The following STXBP4 variants were observed in gnomAD, a reference collection of about 807,000 sequenced individuals.
STXBP4 encodes the protein syntaxin-binding protein 4.
Under a neutral mutation model 76.1 loss-of-function variants are expected in STXBP4, and 55 were observed. That is an observed-to-expected ratio of 0.72 (90% CI 0.58 to 0.91). STXBP4 has a LOEUF of 0.91. STXBP4 is among the 40% of genes least tolerant of loss of function. The pLI, the probability that STXBP4 is intolerant of heterozygous loss-of-function variation, is 0.00. For missense variants in STXBP4, 618 were observed against 636.9 expected (o/e 0.97, Z 0.32); for synonymous variants, 201 against 220.2 (o/e 0.91, Z 0.77).
In STXBP4 at chr17:55,134,305, T is replaced by A. The variant is rs75096408; in HGVS notation, c.1490-7005T>A. ...TGAATGTACTGAAAGGCTTTTTTTT[T>A]AATGAAGTACACAGTTATTTTATAT... is the stretch of plus-strand genomic sequence containing the variant. On this transcript the variant is annotated intron_variant, in intron 16 of 17. Coordinates refer to ENST00000376352, the MANE Select transcript of STXBP4 (RefSeq NM_178509.6). Among the ~76,000 whole-genome samples, 61 of 152,228 alleles carry A rather than the reference T, an allele frequency of 4.0e-4. No homozygotes were observed. In the East Asian group the frequency reaches 7.7e-3, roughly 19 times the overall value.
intron 12 of STXBP4, among the ~76,000 whole-genome samples, chr17:55,057,968 G>A (rs188198371): frequency 6.6e-6 from 1 of 152,146 alleles, no homozygotes; most frequent in East Asian, 1.9e-4. Flanking sequence ...TGGGCATTTG[G>A]GTTGGTTCCA....
chr17:54,986,483 G>T (rs985118806), intron 3 of STXBP4, among the ~76,000 whole-genome samples: 1 of 152,090 alleles, frequency 6.6e-6, no homozygotes, highest in African/African-American at 2.4e-5. Flanking sequence ...TGCAGGCACG[G>T]TAGGGCATGC....
intron 16 of STXBP4, among the ~76,000 whole-genome samples, chr17:55,118,019 A>G (rs1453379275): frequency 1.3e-5 from 2 of 151,980 alleles, no homozygotes; most frequent in African/African-American, 4.8e-5. Context: ...GAGCAAAACT[A>G]AAACACTACT....
chr17:54,997,171 C>A (rs528764673), intron 4 of STXBP4, among the ~76,000 whole-genome samples: 1 of 152,242 alleles, frequency 6.6e-6, no homozygotes, highest in South Asian at 2.1e-4. Context: ...ACAAAAATAG[C>A]TTTGTTTTCA....
intron 12 of STXBP4, among the ~76,000 whole-genome samples, chr17:55,072,191 T>C (rs920296837): frequency 6.6e-6 from 1 of 152,222 alleles, no homozygotes; most frequent in Non-Finnish European, 1.5e-5. Context: ...TGTGTGTTCT[T>C]GAACAGGTCA....
chr17:55,082,183 G>A (rs1456590693), intron 16 of STXBP4, among the ~76,000 whole-genome samples: 4 of 152,146 alleles, frequency 2.6e-5, no homozygotes, highest in African/African-American at 9.7e-5. Flanking sequence ...ATATAATGTA[G>A]TCATCAGATG....
rs183356638 is a variant in STXBP4, at chr17:55,113,630, G to T, written c.1490-27680G>T. ...CAATATTTTTATTTTATTTTCTGCT[G>T]ATATAAAAAAAAAGTGTTAAACTTT... On this transcript the variant is annotated intron_variant, in intron 16 of 17. Coordinates refer to ENST00000376352, the MANE Select transcript of STXBP4 (RefSeq NM_178509.6). 4.0e-5 allele frequency among the ~76,000 whole-genome samples: 6 copies of T among 151,582 alleles called. No homozygotes were observed. The East Asian group carries it at 7.7e-4, about 20-fold the overall frequency.
In STXBP4 at chr17:55,059,166, A is replaced by G. The variant is rs1598274867; in HGVS notation, c.1011+12012A>G. 2.0e-5 allele frequency among the ~76,000 whole-genome samples: 3 copies of G among 152,132 alleles called. No individual in the cohort carries two copies. The East Asian group carries it at 5.8e-4, about 29-fold the overall frequency. On this transcript the variant is annotated intron_variant, in intron 12 of 17. Coordinates refer to ENST00000376352, the MANE Select transcript of STXBP4 (RefSeq NM_178509.6). ...TAAATACAAAAAATAAATATAGCCT[A>G]ATAAAAATAAGTATTTTAATTTAAT...
intron 15 of STXBP4, 105 bp from the exon 16 acceptor site, chr17:55,080,945 A>G: frequency 5.4e-6 from 6 of 1,111,846 alleles, no homozygotes; most frequent in Non-Finnish European, 7.0e-6. Context: ...CCTCAGAAAT[A>G]TAAATATTTT....
chr17:55,017,338 A>C (rs1598209743), intron 8 of STXBP4, among the ~76,000 whole-genome samples: 2 of 152,104 alleles, frequency 1.3e-5, no homozygotes, highest in Non-Finnish European at 2.9e-5. Flanking sequence ...CGGATCCTAC[A>C]TAACTGCCCA....
chr17:55,097,435 G>A lies in STXBP4; in HGVS notation c.1489+16252G>A, dbSNP rs188310175. On this transcript the variant is annotated intron_variant, in intron 16 of 17. Transcript: ENST00000376352. ...TCCCAGCACTTTGGGGGGCCAAGGC[G>A]GGCGGATCACGAGGTCAGGAGATCG... is the stretch of plus-strand genomic sequence containing the variant. Among the ~76,000 whole-genome samples the A allele has an allele frequency of 3.8e-3, 575 of 152,230 alleles. 3 individuals are homozygous for A. The highest frequency in any genetic ancestry group is 0.012 in the African/African-American group (512 of 41,538).
intron 1 of STXBP4, among the ~76,000 whole-genome samples, chr17:54,969,569 A>G (rs2077355958): frequency 1.3e-5 from 2 of 152,230 alleles, no homozygotes; most frequent in South Asian, 2.1e-4. Flanking sequence ...ACAGTAAATG[A>G]ATAATATTCA....
intron 16 of STXBP4, among the ~76,000 whole-genome samples, chr17:55,122,386 A>G (rs535902837): frequency 2.0e-5 from 3 of 152,342 alleles, no homozygotes; most frequent in Admixed American, 2.0e-4. Context: ...GCACAGAGGA[A>G]GTATCATCTA....
rs531405934 is a variant in STXBP4, at chr17:55,030,277, G to C, written c.667-891G>C. Among the ~76,000 whole-genome samples the C allele has an allele frequency of 2.6e-5, 4 of 152,232 alleles. No homozygotes were observed. The East Asian group carries it at 7.7e-4, about 29-fold the overall frequency. ...CGGTACCACATGAACCAAAAGAACT[G>C]CTCAAATTCCATCAGTTCCTCTTTC... On this transcript the variant is annotated intron_variant, in intron 8 of 17. Coordinates refer to ENST00000376352, the MANE Select transcript of STXBP4 (RefSeq NM_178509.6).
At chr17:55,113,346 A>G (rs2079744820) in intron 16 of STXBP4, among the ~76,000 whole-genome samples, 1 of 152,022 alleles carries the variant, frequency 6.6e-6, no homozygotes, top group Non-Finnish European at 1.5e-5. Flanking sequence ...CCAAAACATC[A>G]TGTTGTACAC....
chr17:55,184,551 A>G, the STXBP4 span, among the ~76,000 whole-genome samples: 2 of 152,244 alleles, frequency 1.3e-5, no homozygotes, highest in Admixed American at 6.5e-5. Context: ...TGTAGATGGA[A>G]TCATACATAT....
At chr17:54,972,259 G>A (rs1402060994) in intron 1 of STXBP4, among the ~76,000 whole-genome samples, 1 of 152,180 alleles carries the variant, frequency 6.6e-6, no homozygotes, top group Non-Finnish European at 1.5e-5. Context: ...GAAGCTTTGA[G>A]ACTGTAAATA....
chr17:55,202,105 C>CACAT, the STXBP4 span, among the ~76,000 whole-genome samples: 13 of 151,506 alleles, frequency 8.6e-5, no homozygotes, highest in African/African-American at 2.9e-4. Flanking sequence ...GACACACACA[C>CACAT]ACACACACAT....
chr17:55,034,096 C>T lies in STXBP4; in HGVS notation c.764-72C>T. The T allele has an allele frequency of 2.7e-6, 3 of 1,104,282 alleles. No individual in the cohort carries two copies. In the South Asian group the frequency reaches 4.9e-5, roughly 18 times the overall value. The allele number at this position is 1,104,282 out of a possible 1,614,324, so 68.4% of individuals were successfully genotyped here. A position where few individuals can be genotyped will look rare whatever the true frequency, so the allele number is the denominator to read the frequency against. ...TGGGTTAAATTTGAAACCTTAGCAA[C>T]TTCATATAGAATAAAGTAAGATTTA... On this transcript the variant is annotated intron_variant, in intron 9 of 17. Coordinates refer to ENST00000376352, the MANE Select transcript of STXBP4 (RefSeq NM_178509.6).
Sources: allele counts gnomAD v4.1 joint callset (sites outside exome capture counted in the v4.1 genomes callset), GRCh38; gene constraint gnomAD v4.1.1; transcripts MANE v1.5; gene names NCBI Gene and HGNC (gene_info 2026-07-23, HGNC 2026-07-21).